The following PIN4 variants were observed in gnomAD, a reference collection of about 807,000 sequenced individuals.
The protein encoded by PIN4 is peptidyl-prolyl cis-trans isomerase NIMA-interacting 4.
In PIN4, 3 loss-of-function variants were observed where a neutral mutation model predicts 8.3. The ratio of observed to expected loss-of-function variants is 0.36; its 90% confidence interval spans 0.16 to 0.93. The LOEUF is 0.93. Ranked by LOEUF, PIN4 falls within the 40% of genes least tolerant of loss-of-function variation. The probability of loss-of-function intolerance (pLI) is 0.44; values close to 1 mark genes in which losing one functional copy is unlikely to be tolerated. For missense variants in PIN4, 75 were observed against 100.6 expected (o/e 0.75, Z 1.09); for synonymous variants, 18 against 32.5 (o/e 0.55, Z 1.52).
At chrX:72,240,799 C>CA (rs1379412992) in intron 3 of PIN4, among the ~76,000 whole-genome samples, 4 of 91,009 alleles carry the variant, frequency 4.4e-5, no homozygotes, top group African/African-American at 1.5e-4. Context: ...GACTCCATCT[C>CA]AAAAAAAAGA....
At chrX:72,195,028 C>A (rs2042757180) in intron 2 of PIN4, among the ~76,000 whole-genome samples, 1 of 111,737 alleles carries the variant, frequency 8.9e-6, no homozygotes, top group Admixed American at 9.5e-5. Flanking sequence ...GCCATACCAT[C>A]TAGGTTTGTG....
chrX:72,211,796 AAAAG>A (rs1370359313), intron 3 of PIN4, among the ~76,000 whole-genome samples: 6 of 111,430 alleles, frequency 5.4e-5, no homozygotes, highest in Admixed American at 3.8e-4. Context: ...AATAAAAAAA[AAAAG>A]AAATATTATA....
At chrX:72,225,001 C>T (rs540744173) in intron 3 of PIN4, among the ~76,000 whole-genome samples, 8 of 111,235 alleles carry the variant, frequency 7.2e-5, no homozygotes, top group African/African-American at 2.6e-4. Context: ...CTCCTATTCT[C>T]CCAATCAAAA....
chrX:72,230,523 C>CCT (rs2147602400), intron 3 of PIN4, among the ~76,000 whole-genome samples: 1 of 112,496 alleles, frequency 8.9e-6, no homozygotes, highest in East Asian at 2.8e-4. Context: ...GCCAGAAGCC[C>CCT]CTCTCAGGTT....
intron 3 of PIN4, among the ~76,000 whole-genome samples, chrX:72,257,419 G>A (rs1478055423): frequency 1.8e-5 from 2 of 111,088 alleles, no homozygotes; most frequent in Admixed American, 9.6e-5. Context: ...GTGTGGGGCC[G>A]GGGGGAGGGC....
chrX:72,201,171 C>T (rs1704258547), downstream of PIN4, among the ~76,000 whole-genome samples: 2 of 110,537 alleles, frequency 1.8e-5, no homozygotes, highest in South Asian at 3.8e-4. Flanking sequence ...CACTGCACTC[C>T]AGCCTGGGTG....
upstream of PIN4, chrX:72,181,721 C>T (rs1380863526): frequency 9.0e-7 from 1 of 1,111,081 alleles, no homozygotes; most frequent in Non-Finnish European, 1.2e-6. Flanking sequence ...ATGCCCATGG[C>T]GGGGCTTCTA....
chrX:72,216,837 C>G (rs952742078), intron 3 of PIN4, among the ~76,000 whole-genome samples: 1 of 111,479 alleles, frequency 9.0e-6, no homozygotes, highest in Non-Finnish European at 1.9e-5. Flanking sequence ...GCTGGAGGTA[C>G]TAAAGGTCTA....
At chrX:72,226,346 C>T (rs1196594070) in intron 3 of PIN4, among the ~76,000 whole-genome samples, 1 of 112,085 alleles carries the variant, frequency 8.9e-6, no homozygotes. Context: ...ATGATACCCA[C>T]CTAGAAGAGT....
At chrX:72,207,221 G>T in intron 3 of PIN4, 2 of 1,211,086 alleles carry the variant, frequency 1.7e-6, no homozygotes, top group Non-Finnish European at 2.2e-6. Flanking sequence ...CTTTTTTCTC[G>T]TTCCAAAAGA....
At chrX:72,234,699 T>C (rs2043006310) in intron 3 of PIN4, among the ~76,000 whole-genome samples, 1 of 110,985 alleles carries the variant, frequency 9.0e-6, no homozygotes, top group African/African-American at 3.3e-5. Context: ...GCTAGAAGCA[T>C]GGAGAGTTCA....
chrX:72,190,969 GCTCCCCAGAACTGCTGGGCCCT>G (rs1413833819), intron 2 of PIN4, among the ~76,000 whole-genome samples: 3 of 98,876 alleles, frequency 3.0e-5, no homozygotes, highest in Non-Finnish European at 6.1e-5. Context: ...AAAAAAAAAA[GCTCCCCAGAACTGCTGGGCCCT>G]ACTGGAAAGT....
At position 72,197,454 on chromosome X, in the gene PIN4, G is replaced by T. The variant is rs143295755; in HGVS notation, c.324G>T (p.Lys108Asn). Residue 108 changes from lysine (K) to asparagine (N), a missense_variant, in exon 4 of 4, where the codon AAG (lysine) becomes AAT (asparagine). Physicochemically the swap from Lys to Asn is moderately conservative, Grantham distance 94. Coordinates refer to ENST00000373669, the MANE Select transcript of PIN4 (RefSeq NM_006223.4). ...AFALPVSGMD[K>N]PVFTDPPVKT... ...CCTTGCCTGTAAGTGGGATGGATAAGCCTGTGTTTACAGACCCACCGGTTA... is the reference window on the plus strand; with the variant it reads ...CCTTGCCTGTAAGTGGGATGGATAATCCTGTGTTTACAGACCCACCGGTTA... 8.3e-7 allele frequency: 1 copy of T among 1,206,215 alleles called. No homozygotes were observed. The highest frequency in any genetic ancestry group is 1.8e-5 in the African/African-American group (1 of 57,123).
rs749415318 is a variant in PIN4 at position 72,181,915 on chromosome X, G to A, written c.43+87G>A. 1.9e-5 allele frequency: 11 copies of A among 583,548 alleles called. No homozygotes were observed. The East Asian group carries it at 3.9e-4, about 21-fold the overall frequency. The allele number at this position is 583,548 out of a possible 1,213,427, so 48.1% of individuals were successfully genotyped here. ...ACAGTCCATCTCCGGAGTCCGGGAC[G>A]GACGCAGCAGGTAGCCAGTGGCCCC... On this transcript the variant is annotated intron_variant, in intron 1 of 3. Coordinates refer to ENST00000373669, the MANE Select transcript of PIN4 (RefSeq NM_006223.4).
At chrX:72,189,603 A>G (rs990331020) in intron 2 of PIN4, among the ~76,000 whole-genome samples, 2 of 111,682 alleles carry the variant, frequency 1.8e-5, no homozygotes, top group Non-Finnish European at 3.8e-5. Flanking sequence ...AAAATACAAA[A>G]TGCTGTAAGA....
In PIN4 at chrX:72,196,775, T is replaced by C. The variant is rs748310833; in HGVS notation, c.118-10T>C. 2.7e-5 allele frequency: 32 copies of C among 1,198,038 alleles called. No homozygotes were observed. The highest frequency in any genetic ancestry group is 3.0e-5 in the Non-Finnish European group (27 of 889,028). ...TCCAAGTATTACATGAATGTACTTT[T>C]TCCTTGCAGGTCAGACACATTCTAT... On this transcript the variant is annotated splice_polypyrimidine_tract_variant and intron_variant, in intron 2 of 3. Transcript: ENST00000373669.
At chrX:72,243,090 G>C in intron 3 of PIN4, among the ~76,000 whole-genome samples, 1 of 110,780 alleles carries the variant, frequency 9.0e-6, no homozygotes, top group Non-Finnish European at 1.9e-5. Context: ...CCAGCACTTT[G>C]GGAGGTCGAG....
At chrX:72,221,496 C>T (rs1336901174) in intron 3 of PIN4, among the ~76,000 whole-genome samples, 3 of 111,070 alleles carry the variant, frequency 2.7e-5, no homozygotes, top group Non-Finnish European at 5.7e-5. Context: ...GGCTTCTTCT[C>T]ACCAGTCCAC....
chrX:72,257,429 C>T (rs1258046262), intron 3 of PIN4, among the ~76,000 whole-genome samples: 2 of 110,663 alleles, frequency 1.8e-5, no homozygotes, highest in African/African-American at 6.6e-5. Flanking sequence ...GGGGGGAGGG[C>T]GTGATGGGCA....
Sources: gnomAD v4.1 joint callset for allele counts (sites outside exome capture counted in the v4.1 genomes callset) on GRCh38, gnomAD v4.1.1 for gene constraint, MANE v1.5 for transcripts, NCBI Gene and HGNC (gene_info 2026-07-23, HGNC 2026-07-21) for gene names.